Variants in ABLIM1 observed in about 807,000 individuals in gnomAD.
The protein encoded by ABLIM1 is actin-binding LIM protein 1.
ABLIM1 carries 40 observed loss-of-function variants against 107.0 expected under a neutral mutation model. That is an observed-to-expected ratio of 0.37 (90% confidence interval 0.29 to 0.49). The LOEUF is 0.49. Ranked by LOEUF, ABLIM1 falls within the 20% of genes least tolerant of loss-of-function variation. The probability of loss-of-function intolerance (pLI) is 0.97; values close to 1 mark genes in which losing one functional copy is unlikely to be tolerated. For missense variants in ABLIM1, 857 were observed against 1,008.5 expected, an observed-to-expected ratio of 0.85 and a Z score of 2.04; for synonymous variants, 357 against 357.3, an observed-to-expected ratio of 1.00 and a Z score of 0.01.
At chr10:114,644,306 A>AAAAAAAAAAAAAAAAAAAAATATAT (rs1408072252) in intron 1 of ABLIM1, among the ~76,000 whole-genome samples, 1 of 52,254 alleles carries the variant, frequency 1.9e-5, no homozygotes, top group Non-Finnish European at 3.1e-5. Context: ...AAAAAAAAAA[A>AAAAAAAAAAAAAAAAAAAAATATAT]ATATATATAT....
intron 1 of ABLIM1, among the ~76,000 whole-genome samples, chr10:114,668,471 A>T (rs1209185407): frequency 1.3e-5 from 2 of 152,178 alleles, no homozygotes; most frequent in Non-Finnish European, 2.9e-5. Flanking sequence ...TGGATACTTG[A>T]TAAGGGGGAA....
Position 114,436,140 on chromosome 10 carries a change from T to C in ABLIM1, c.*120A>G. The C allele has an allele frequency of 1.4e-6, 1 of 703,470 alleles. No individual in the cohort carries two copies. The highest frequency in any genetic ancestry group is 1.9e-5 in the South Asian group (1 of 51,606). The allele number at this position is 703,470 out of a possible 1,614,324, so 43.6% of individuals were successfully genotyped here. On this transcript the variant is annotated 3_prime_UTR_variant, in exon 23 of 23. Transcript: ENST00000533213. ...GGTGTTTTAACCAGACTTTCTCTTT[T>C]TGGTGTTGCTGAGCGACGGTAGTTT...
intron 8 of ABLIM1, among the ~76,000 whole-genome samples, chr10:114,485,952 G>A (rs377294866): frequency 1.3e-5 from 2 of 152,230 alleles, no homozygotes; most frequent in South Asian, 2.1e-4. Context: ...TGTGAACCCC[G>A]GCTCTGGGTA....
intron 6 of ABLIM1, among the ~76,000 whole-genome samples, chr10:114,541,353 G>A (rs1468329941): frequency 6.6e-6 from 1 of 152,026 alleles, no homozygotes; most frequent in Non-Finnish European, 1.5e-5. Flanking sequence ...CATTTGTAAA[G>A]GGATAAAATA....
At chr10:114,536,900 C>A (rs982256366) in intron 6 of ABLIM1, among the ~76,000 whole-genome samples, 1 of 152,156 alleles carries the variant, frequency 6.6e-6, no homozygotes, top group Non-Finnish European at 1.5e-5. Context: ...CTGGTGGAGG[C>A]TACAGATGCT....
intron 1 of ABLIM1, among the ~76,000 whole-genome samples, chr10:114,722,995 A>G (rs546942005): frequency 6.6e-6 from 1 of 152,276 alleles, no homozygotes; most frequent in South Asian, 2.1e-4. Context: ...TACCATAATG[A>G]TTATTTACAT....
chr10:114,512,269 TG>T (rs2061992588), intron 6 of ABLIM1, among the ~76,000 whole-genome samples: 3 of 152,256 alleles, frequency 2.0e-5, no homozygotes, highest in African/African-American at 7.2e-5. Flanking sequence ...CAATGCAATG[TG>T]CACTCACGGA....
upstream of ABLIM1, among the ~76,000 whole-genome samples, chr10:114,658,770 A>G (rs1015623864): frequency 6.6e-6 from 1 of 152,120 alleles, no homozygotes; most frequent in African/African-American, 2.4e-5. Flanking sequence ...CATTTTCTAG[A>G]AGGGGACCCC....
At chr10:114,645,230 A>T (rs1195541925) in intron 1 of ABLIM1, among the ~76,000 whole-genome samples, 9 of 152,170 alleles carry the variant, frequency 5.9e-5, no homozygotes, top group Admixed American at 5.9e-4. Context: ...CAGCTATCAA[A>T]CAATGGTGAT....
At chr10:114,505,114 G>C (rs569043891) in intron 6 of ABLIM1, among the ~76,000 whole-genome samples, 1 of 152,308 alleles carries the variant, frequency 6.6e-6, no homozygotes, top group African/African-American at 2.4e-5. Flanking sequence ...GGCTGGTGCT[G>C]CTCAGCGTGT....
chr10:114,478,776 T>G (rs11196760), intron 8 of ABLIM1, among the ~76,000 whole-genome samples: 2,701 of 152,290 alleles, frequency 0.018, 41 homozygotes, highest in East Asian at 0.059. Context: ...GGAAACTGCT[T>G]TTTCTTTCAC....
chr10:114,606,495 A>G (rs904779582), intron 1 of ABLIM1, among the ~76,000 whole-genome samples: 7 of 152,208 alleles, frequency 4.6e-5, no homozygotes, highest in African/African-American at 1.7e-4. Context: ...TGGCCTCCCA[A>G]AGTGCTGAGA....
chr10:114,658,062 TC>T lies in ABLIM1; in HGVS notation c.138del (p.Thr47ProfsTer93). The T allele has an allele frequency of 6.2e-7, 1 of 1,613,882 alleles. No individual in the cohort carries two copies. Among genetic ancestry groups the T allele is most frequent in the Non-Finnish European group, 8.5e-7 (1 of 1,179,988 alleles). On this transcript the variant is annotated frameshift_variant, in exon 1 of 23. Coordinates refer to ENST00000533213, the MANE Select transcript of ABLIM1 (RefSeq NM_002313.7). LOFTEE classifies it high-confidence loss of function. ...GCACGCCTATGAGCGGTGAAGGAGG[TC>T]CCAGAGACCCTCCGGTCCTCAACAA... ...RLIVEDRRVS[G>X]TSFTAHRRAT...
chr10:114,669,758 T>C (rs1157235153), intron 1 of ABLIM1, among the ~76,000 whole-genome samples: 2 of 152,170 alleles, frequency 1.3e-5, no homozygotes, highest in African/African-American at 2.4e-5. Flanking sequence ...GGGTGGTAGA[T>C]ATCTTCAATA....
the ABLIM1 span, among the ~76,000 whole-genome samples, chr10:114,784,100 C>A: frequency 6.6e-6 from 1 of 151,918 alleles, no homozygotes; most frequent in African/African-American, 2.4e-5. Context: ...GTAATCCCAG[C>A]ACTTTGGGAG....
At position 114,523,555 on chromosome 10, in the gene ABLIM1, T is replaced by TTTCTGCCCC. The variant is rs1304458979; in HGVS notation, c.894+21449_894+21450insGGGGCAGAA. On this transcript the variant is annotated intron_variant, in intron 6 of 22. Coordinates refer to ENST00000533213, the MANE Select transcript of ABLIM1 (RefSeq NM_002313.7). Reference sequence around the variant, plus strand: ...AAGCATTAACCTGTGGGGTTTATAATAAGAGCAGAAATTTAATTTCTGGGC... The same window carrying TTTCTGCCCC: ...AAGCATTAACCTGTGGGGTTTATAATTTCTGCCCCAAGAGCAGAAATTTAATTTCTGGGC... Among the ~76,000 whole-genome samples the TTTCTGCCCC allele has an allele frequency of 3.4e-3, 511 of 152,274 alleles. 6 individuals are homozygous for TTTCTGCCCC. The highest frequency in any genetic ancestry group is 0.012 in the African/African-American group (496 of 41,542).
chr10:114,538,978 T>C (rs192663264), intron 6 of ABLIM1, among the ~76,000 whole-genome samples: 1 of 152,376 alleles, frequency 6.6e-6, no homozygotes, highest in Non-Finnish European at 1.5e-5. Flanking sequence ...ACCTTTTCCT[T>C]TACCCTCCAG....
intron 1 of ABLIM1, among the ~76,000 whole-genome samples, chr10:114,703,093 A>C (rs546829290): frequency 5.3e-5 from 8 of 152,252 alleles, no homozygotes; most frequent in African/African-American, 1.9e-4. Flanking sequence ...ATTTTTGCTG[A>C]ATGAAACTTA....
At position 114,524,479 on chromosome 10, in the gene ABLIM1, C is replaced by T. The variant is rs147607441; in HGVS notation, c.894+20526G>A. On this transcript the variant is annotated intron_variant, in intron 6 of 22. Transcript: ENST00000533213. ...GTTTGAGACCCACTGGTACAGATGG[C>T]GAAAAGAAAAAAGAAATGAAAGCAT... Among the ~76,000 whole-genome samples the T allele has an allele frequency of 7.2e-3, 1,086 of 150,762 alleles. 15 individuals carry two copies. The highest frequency in any genetic ancestry group is 0.01 in the Non-Finnish European group (701 of 67,784).
Sources: gnomAD v4.1 joint callset for allele counts (sites outside exome capture counted in the v4.1 genomes callset) on GRCh38, gnomAD v4.1.1 for gene constraint, MANE v1.5 for transcripts, NCBI Gene and HGNC (gene_info 2026-07-23, HGNC 2026-07-21) for gene names.